The following MBD5 variants were observed in gnomAD, a reference collection of about 807,000 sequenced individuals.
The protein encoded by MBD5 is methyl-CpG binding domain protein 5, also known as methyl-CpG-binding domain protein 5.
Under a neutral mutation model 117.3 loss-of-function variants are expected in MBD5, and 13 were observed. The observed-to-expected ratio is 0.11, with a 90% CI of 0.07 to 0.18. The LOEUF is 0.18. Ranked by LOEUF, MBD5 falls within the 10% of genes least tolerant of loss-of-function variation. The pLI, the probability that MBD5 is intolerant of heterozygous loss-of-function variation, is 1.00. For synonymous variants in MBD5, 727 were observed against 766.4 expected, an observed-to-expected ratio of 0.95 and a Z score of 0.85; for missense variants, 1,879 against 2,093.8, an observed-to-expected ratio of 0.90 and a Z score of 2.00.
At chr2:148,230,648 G>A (rs547917017) in intron 2 of MBD5, among the ~76,000 whole-genome samples, 1 of 152,180 alleles carries the variant, frequency 6.6e-6, no homozygotes, top group South Asian at 2.1e-4. Flanking sequence ...AACTAGGAAT[G>A]TGCTTAGTCT....
At chr2:148,434,064 A>G (rs1706077584) in intron 4 of MBD5, among the ~76,000 whole-genome samples, 1 of 151,870 alleles carries the variant, frequency 6.6e-6, no homozygotes, top group Non-Finnish European at 1.5e-5. Flanking sequence ...ATTCAATTTC[A>G]GAACTCATTA....
chr2:148,396,981 G>T (rs777550038), intron 4 of MBD5, among the ~76,000 whole-genome samples: 1 of 152,114 alleles, frequency 6.6e-6, no homozygotes, highest in African/African-American at 2.4e-5. Flanking sequence ...TAACATATGA[G>T]TTATAACTTA....
chr2:148,206,852 T>G (rs1259055755), intron 2 of MBD5, among the ~76,000 whole-genome samples: 1 of 152,150 alleles, frequency 6.6e-6, no homozygotes, highest in African/African-American at 2.4e-5. Flanking sequence ...ATGAAGCAGT[T>G]ATGAATATCT....
chr2:148,030,471 C>A (rs1694007446), intron 1 of MBD5, among the ~76,000 whole-genome samples: 1 of 151,938 alleles, frequency 6.6e-6, no homozygotes, highest in African/African-American at 2.4e-5. Flanking sequence ...AATAAGTATG[C>A]AATGTTTATG....
rs1244500381 is a variant in MBD5, at chr2:148,021,454, C to CTGCTGCTGTTGCTGCTGCTGCTGCTGT, written c.-1146_-1120dup. 12 of 574,674 alleles carry CTGCTGCTGTTGCTGCTGCTGCTGCTGT rather than the reference C, an allele frequency of 2.1e-5. No individual in the cohort carries two copies. Among genetic ancestry groups the CTGCTGCTGTTGCTGCTGCTGCTGCTGT allele is most frequent in the African/African-American group, 9.5e-5 (5 of 52,870 alleles). 35.6% of individuals were successfully genotyped at this position (574,674 alleles called of 1,614,324 possible). ...GCCTCTTAGCAACACAGACCCTTTG[C>CTGCTGCTGTTGCTGCTGCTGCTGCTGT]TGCTGCTGTTGCTGCTGCTGCTGCT... On this transcript the variant is annotated 5_prime_UTR_variant, in exon 1 of 14. Transcript: ENST00000642680.
At chr2:148,067,453 T>G (rs1337625386) in intron 1 of MBD5, among the ~76,000 whole-genome samples, 3 of 152,228 alleles carry the variant, frequency 2.0e-5, no homozygotes, top group African/African-American at 7.2e-5. Context: ...AAAATTTTCT[T>G]AAGTTCTGAT....
At chr2:148,232,953 A>C (rs1026872140) in intron 2 of MBD5, among the ~76,000 whole-genome samples, 5 of 152,062 alleles carry the variant, frequency 3.3e-5, no homozygotes, top group African/African-American at 1.2e-4. Flanking sequence ...TGGAGTAAAA[A>C]GAACTGTTTT....
At chr2:148,165,520 T>C (rs975158524) in intron 1 of MBD5, among the ~76,000 whole-genome samples, 1 of 152,112 alleles carries the variant, frequency 6.6e-6, no homozygotes. Flanking sequence ...TAATGGTTAG[T>C]TGTTCTCTGT....
At chr2:148,314,593 G>T (rs1040629905) in intron 3 of MBD5, among the ~76,000 whole-genome samples, 1 of 151,924 alleles carries the variant, frequency 6.6e-6, no homozygotes, top group African/African-American at 2.4e-5. Flanking sequence ...GGCCAGGCTG[G>T]TCTCTAACTC....
At chr2:148,222,522 T>C (rs1699714963) in intron 2 of MBD5, among the ~76,000 whole-genome samples, 1 of 152,098 alleles carries the variant, frequency 6.6e-6, no homozygotes. Flanking sequence ...GTGGCTACTG[T>C]AAATAGGATT....
chr2:148,034,267 A>G (rs1694124388), intron 1 of MBD5, among the ~76,000 whole-genome samples: 2 of 152,214 alleles, frequency 1.3e-5, no homozygotes, highest in African/African-American at 4.8e-5. Flanking sequence ...TGTACCTCTT[A>G]AATAGAAATG....
At chr2:148,392,089 A>G (rs1038067256) in intron 4 of MBD5, among the ~76,000 whole-genome samples, 1 of 152,182 alleles carries the variant, frequency 6.6e-6, no homozygotes, top group African/African-American at 2.4e-5. Context: ...TGAATATAAC[A>G]GTGATACTAT....
chr2:148,513,746 G>A lies in MBD5; in HGVS notation c.*805G>A, dbSNP rs1028241680. 3 of 151,874 alleles carry A rather than the reference G, an allele frequency of 2.0e-5. No individual in the cohort carries two copies. The highest frequency in any genetic ancestry group is 2.1e-4 in the South Asian group (1 of 4,824). The allele number at this position is 151,874 out of a possible 1,614,324, so 9.4% of individuals were successfully genotyped here. On this transcript the variant is annotated 3_prime_UTR_variant, in exon 14 of 14. Transcript: ENST00000642680. ...TTACCTAAGTTTTAAAATAGAATAGGTTTTATAAAAAAAAATCTTAGATGG... is the reference window on the plus strand; with the variant it reads ...TTACCTAAGTTTTAAAATAGAATAGATTTTATAAAAAAAAATCTTAGATGG...
At chr2:148,131,711 G>C (rs1331133573) in intron 1 of MBD5, among the ~76,000 whole-genome samples, 1 of 152,006 alleles carries the variant, frequency 6.6e-6, no homozygotes, top group Non-Finnish European at 1.5e-5. Flanking sequence ...CAGACAAAAA[G>C]CTATATTCAT....
chr2:148,122,765 T>C (rs187845027), intron 1 of MBD5, among the ~76,000 whole-genome samples: 3 of 152,302 alleles, frequency 2.0e-5, no homozygotes, highest in South Asian at 2.1e-4. Context: ...CAGTAAACAG[T>C]GAATAAGCGA....
At chr2:148,152,147 T>C (rs1697693262) in intron 1 of MBD5, among the ~76,000 whole-genome samples, 3 of 152,190 alleles carry the variant, frequency 2.0e-5, no homozygotes, top group Admixed American at 6.5e-5. Context: ...TGTGTCTTTG[T>C]TCTCGTTGGT....
intron 1 of MBD5, among the ~76,000 whole-genome samples, chr2:148,144,298 G>T (rs1697392417): frequency 6.6e-6 from 1 of 151,646 alleles, no homozygotes; most frequent in African/African-American, 2.4e-5. Context: ...GGGGTTGTTT[G>T]TTTTTTTCTT....
chr2:148,296,169 T>A (rs1701641194), intron 3 of MBD5: 1 of 202,862 alleles, frequency 4.9e-6, no homozygotes, highest in Non-Finnish European at 1.1e-5. Flanking sequence ...GGGTCTGGTG[T>A]GCTGTTGTTA....
intron 3 of MBD5, among the ~76,000 whole-genome samples, chr2:148,268,127 T>C (rs913359024): frequency 2.0e-5 from 3 of 152,084 alleles, no homozygotes; most frequent in Non-Finnish European, 4.4e-5. Flanking sequence ...TTTTTGTATT[T>C]TTTTGTAAAG....
Sources: allele counts gnomAD v4.1 joint callset (sites outside exome capture counted in the v4.1 genomes callset), GRCh38; gene constraint gnomAD v4.1.1; transcripts MANE v1.5; gene names NCBI Gene and HGNC (gene_info 2026-07-23, HGNC 2026-07-21).